Variants in CDC27 observed in about 807,000 individuals in gnomAD.
CDC27 encodes cell division cycle 27.
Under a neutral mutation model 109.7 loss-of-function variants are expected in CDC27, and 27 were observed. The observed-to-expected ratio is 0.25, with a 90% confidence interval of 0.18 to 0.34. The LOEUF is 0.34. CDC27 is among the 10% of genes least tolerant of loss of function. The pLI, the probability that CDC27 is intolerant of heterozygous loss-of-function variation, is 1.00. For synonymous variants in CDC27, 266 were observed against 333.9 expected (o/e 0.80, Z 2.22); for missense variants, 579 against 960.2 (o/e 0.60, Z 5.25).
chr17:47,164,084 T>C (rs1475587455), intron 4 of CDC27, among the ~76,000 whole-genome samples: 2 of 152,188 alleles, frequency 1.3e-5, no homozygotes, highest in African/African-American at 4.8e-5. Context: ...TATAATGCCA[T>C]ATTTCTACTG....
At chr17:47,173,191 A>C (rs1567710233) in intron 2 of CDC27, among the ~76,000 whole-genome samples, 1 of 152,224 alleles carries the variant, frequency 6.6e-6, no homozygotes, top group African/African-American at 2.4e-5. Context: ...GTAATTTGAA[A>C]TTTTATTTCT....
intron 16 of CDC27, among the ~76,000 whole-genome samples, chr17:47,125,526 G>A (rs2062112509): frequency 6.6e-6 from 1 of 151,580 alleles, no homozygotes; most frequent in Non-Finnish European, 1.5e-5. Flanking sequence ...GATTACAGGC[G>A]TGAGCCATCA....
intron 9 of CDC27, among the ~76,000 whole-genome samples, chr17:47,149,812 G>A (rs556836463): frequency 1.4e-4 from 22 of 151,904 alleles, no homozygotes; most frequent in Non-Finnish European, 1.9e-4. Context: ...AAAATTAGCC[G>A]GGCGTGGTGG....
chr17:47,132,093 A>ATTT (rs11570547), intron 15 of CDC27, among the ~76,000 whole-genome samples, 164 bp downstream of exon 15: 30 of 149,772 alleles, frequency 2.0e-4, no homozygotes, highest in East Asian at 1.2e-3. Flanking sequence ...CAATTCTGTG[A>ATTT]TTTTTTATGC....
At chr17:47,126,305 T>C (rs1226629022) in intron 16 of CDC27, among the ~76,000 whole-genome samples, 5 of 152,232 alleles carry the variant, frequency 3.3e-5, no homozygotes, top group Admixed American at 3.3e-4. Flanking sequence ...TACAGTCACA[T>C]TTCTATATCT....
At chr17:47,166,474 A>G (rs551905053) in intron 4 of CDC27, among the ~76,000 whole-genome samples, 5 of 152,258 alleles carry the variant, frequency 3.3e-5, no homozygotes, top group South Asian at 2.1e-4. Context: ...CATTCCTGAT[A>G]TAAGTAATGG....
chr17:47,133,632 T>C (rs11868039), intron 14 of CDC27, among the ~76,000 whole-genome samples: 18,890 of 150,120 alleles, frequency 0.13, 1,511 homozygotes, highest in Non-Finnish European at 0.18. Flanking sequence ...AAAGACAGGG[T>C]TTCTCCATGT....
intron 1 of CDC27, among the ~76,000 whole-genome samples, chr17:47,187,551 C>A (rs1042590357): frequency 6.6e-5 from 10 of 152,252 alleles, no homozygotes; most frequent in African/African-American, 2.2e-4. Context: ...ATCCACCCGC[C>A]TCAGCCTCCC....
intron 4 of CDC27, among the ~76,000 whole-genome samples, chr17:47,162,645 G>A (rs1396043018): frequency 6.6e-6 from 1 of 152,146 alleles, no homozygotes; most frequent in African/African-American, 2.4e-5. Flanking sequence ...AAAATAATCT[G>A]TTACGGGAAA....
intron 2 of CDC27, among the ~76,000 whole-genome samples, chr17:47,176,704 A>AG (rs901080228): frequency 6.6e-6 from 1 of 152,224 alleles, no homozygotes; most frequent in African/African-American, 2.4e-5. Flanking sequence ...AGGAACAGGC[A>AG]GGGAACGGGA....
intron 2 of CDC27, chr17:47,181,253 T>TAA (rs1719912257): frequency 8.9e-5 from 2 of 22,364 alleles, no homozygotes; most frequent in African/African-American, 6.9e-4. Flanking sequence ...AGACCCTGTT[T>TAA]CAAAAAAAAA....
At chr17:47,169,431 G>A (rs1373769969) in intron 4 of CDC27, among the ~76,000 whole-genome samples, 2 of 151,906 alleles carry the variant, frequency 1.3e-5, no homozygotes, top group Non-Finnish European at 2.9e-5. Context: ...GAATCACCTT[G>A]AGGTCAGGAG....
intron 14 of CDC27, 113 bp from the exon 15 acceptor site, chr17:47,132,487 T>TA: frequency 8.6e-6 from 4 of 463,942 alleles, no homozygotes; most frequent in Non-Finnish European, 1.5e-5. Flanking sequence ...TCCAGTGGAA[T>TA]ACTGGTGGTC....
intron 14 of CDC27, among the ~76,000 whole-genome samples, chr17:47,136,228 A>G (rs2062585337): frequency 6.6e-6 from 1 of 152,224 alleles, no homozygotes; most frequent in African/African-American, 2.4e-5. Flanking sequence ...CAGCATTGGC[A>G]AGTTGATTGT....
At chr17:47,175,458 T>C (rs1031623990) in intron 2 of CDC27, among the ~76,000 whole-genome samples, 3 of 152,140 alleles carry the variant, frequency 2.0e-5, no homozygotes, top group South Asian at 2.1e-4. Context: ...TGAACTCTGA[T>C]GTTGTGTGAA....
chr17:47,185,189 T>C (rs1159907592), intron 1 of CDC27, among the ~76,000 whole-genome samples: 2 of 151,954 alleles, frequency 1.3e-5, no homozygotes, highest in Non-Finnish European at 2.9e-5. Context: ...ATTTTTCTCT[T>C]TTTTTTTGAG....
intron 2 of CDC27, among the ~76,000 whole-genome samples, chr17:47,177,843 T>C (rs2064073025): frequency 7.0e-6 from 1 of 143,470 alleles, no homozygotes; most frequent in South Asian, 2.3e-4. Flanking sequence ...TAACTCTTAT[T>C]TTATATGTGT....
chr17:47,146,430 TTATAGTAC>T (rs2062961241), intron 9 of CDC27, among the ~76,000 whole-genome samples: 1 of 152,180 alleles, frequency 6.6e-6, no homozygotes. Context: ...CAGAATTACA[TTATAGTAC>T]TATAGTGAAG....
At chr17:47,140,767 T>C (rs2062770054) in intron 12 of CDC27, among the ~76,000 whole-genome samples, 1 of 152,208 alleles carries the variant, frequency 6.6e-6, no homozygotes, top group African/African-American at 2.4e-5. Flanking sequence ...AAACATGGGT[T>C]TTGTAGCAAT....
Sources: gnomAD v4.1 joint callset for allele counts (sites outside exome capture counted in the v4.1 genomes callset) on GRCh38, gnomAD v4.1.1 for gene constraint, MANE v1.5 for transcripts, NCBI Gene and HGNC (gene_info 2026-07-23, HGNC 2026-07-21) for gene names.